The following E2F2 variants were observed in gnomAD, a reference collection of about 807,000 sequenced individuals.
E2F2 encodes E2F transcription factor 2, also known as transcription factor E2F2.
A neutral mutation model predicts 42.2 loss-of-function variants in E2F2; 22 were observed. The observed-to-expected ratio is 0.52, with a 90% CI of 0.37 to 0.74. The LOEUF is 0.74. E2F2 is among the 30% of genes least tolerant of loss of function. The pLI is 0.00. For synonymous variants in E2F2, 248 were observed against 251.6 expected, an observed-to-expected ratio of 0.99 and a Z score of 0.13; for missense variants, 481 against 557.8, an observed-to-expected ratio of 0.86 and a Z score of 1.39.
At position 23,506,486 on chromosome 1, in the gene E2F2, AT is replaced by A. The variant is rs1558227269; in HGVS notation, c.*3393del. 1.3e-5 allele frequency: 2 copies of A among 152,300 alleles called. No individual in the cohort carries two copies. Among genetic ancestry groups the A allele is most frequent in the African/African-American group, 4.8e-5 (2 of 41,466 alleles). The allele number at this position is 152,300 out of a possible 1,614,324, so 9.4% of individuals were successfully genotyped here. A position where few individuals can be genotyped will look rare whatever the true frequency, so the allele number is the denominator to read the frequency against. ...ATTATCTCAATACAAGGAGGCTTAC[AT>A]GGTGCTCATAAAGACACGACCAGGC... On this transcript the variant is annotated 3_prime_UTR_variant, in exon 7 of 7. Coordinates refer to ENST00000361729, the MANE Select transcript of E2F2 (RefSeq NM_004091.4).
chr1:23,516,894 A>G (rs1174143374), intron 5 of E2F2, among the ~76,000 whole-genome samples: 1 of 150,800 alleles, frequency 6.6e-6, no homozygotes, highest in Admixed American at 6.7e-5. Flanking sequence ...AGGATGGCCC[A>G]TGGCTCAGGT....
chr1:23,514,516 A>G (rs778702681), intron 6 of E2F2, among the ~76,000 whole-genome samples: 11 of 152,086 alleles, frequency 7.2e-5, no homozygotes, highest in Non-Finnish European at 1.5e-4. Flanking sequence ...TCATGTGTTA[A>G]AAGAAGGGTT....
At chr1:23,519,304 C>A in intron 4 of E2F2, 174 bp from the exon 5 acceptor site, 1 of 434,332 alleles carries the variant, frequency 2.3e-6, no homozygotes, top group East Asian at 3.5e-5. Flanking sequence ...TACCTTAGAT[C>A]CCTTTGGAAA....
Position 23,524,097 on chromosome 1 carries a change from ACAAC to A in E2F2, c.358+282_358+285del, listed in dbSNP as rs1301319610. ...CACAACAACAACAACAACAACAACA[ACAAC>A]AACAAAAAAAAACACAGAAGTAATG... On this transcript the variant is annotated intron_variant, in intron 2 of 6. Coordinates refer to ENST00000361729, the MANE Select transcript of E2F2 (RefSeq NM_004091.4). 1.4e-3 allele frequency among the ~76,000 whole-genome samples: 196 copies of A among 144,344 alleles called. 4 individuals carry two copies. Among genetic ancestry groups the A allele is most frequent in the African/African-American group, 3.9e-3 (151 of 38,274 alleles). 94.7% of individuals were successfully genotyped at this position (144,344 alleles called of 152,430 possible). A position where few individuals can be genotyped will look rare whatever the true frequency, so the allele number is the denominator to read the frequency against.
chr1:23,522,816 T>C (rs1346228632), intron 2 of E2F2, among the ~76,000 whole-genome samples: 1 of 152,162 alleles, frequency 6.6e-6, no homozygotes, highest in Non-Finnish European at 1.5e-5. Flanking sequence ...GGGACTTTTG[T>C]AATCGAGTGA....
intron 2 of E2F2, 104 bp downstream of exon 2, chr1:23,524,279 T>G: frequency 1.1e-6 from 1 of 921,920 alleles, no homozygotes; most frequent in Non-Finnish European, 1.6e-6. Context: ...AGGAAGCTTT[T>G]GTAAACTGGA....
At chr1:23,512,048 A>AT (rs1394606814) in intron 6 of E2F2, among the ~76,000 whole-genome samples, 1 of 152,070 alleles carries the variant, frequency 6.6e-6, no homozygotes, top group East Asian at 1.9e-4. Flanking sequence ...AAATACAGAA[A>AT]TTCGCTGGGT....
At chr1:23,525,922 G>A (rs1470263549) in intron 1 of E2F2, among the ~76,000 whole-genome samples, 5 of 152,106 alleles carry the variant, frequency 3.3e-5, no homozygotes, top group African/African-American at 1.2e-4. Context: ...TGCTCAGCAG[G>A]GCTGAGACTT....
rs952828105 is a variant in E2F2, at chr1:23,507,969, T to G, written c.*1911A>C. ...GCTAAATGGCAGCCCAGTGGAGACCTCAGAGCAGCCCACTCACCACAAACG... is the reference window on the plus strand; with the variant it reads ...GCTAAATGGCAGCCCAGTGGAGACCGCAGAGCAGCCCACTCACCACAAACG... On this transcript the variant is annotated 3_prime_UTR_variant, in exon 7 of 7. Transcript: ENST00000361729. 6.6e-6 allele frequency: 1 copy of G among 152,280 alleles called. No homozygotes were observed. The highest frequency in any genetic ancestry group is 2.4e-5 in the African/African-American group (1 of 41,440). 9.4% of individuals were successfully genotyped at this position (152,280 alleles called of 1,614,324 possible). A position where few individuals can be genotyped will look rare whatever the true frequency, so the allele number is the denominator to read the frequency against.
intron 3 of E2F2, 28 bp downstream of exon 3, chr1:23,521,809 G>T: frequency 6.2e-7 from 1 of 1,611,898 alleles, no homozygotes; most frequent in Middle Eastern, 1.9e-4. Flanking sequence ...ACCCATTGGA[G>T]GGTACCACTG....
At chr1:23,529,270 TA>T (rs1426761387) in intron 1 of E2F2, among the ~76,000 whole-genome samples, 1 of 152,186 alleles carries the variant, frequency 6.6e-6, no homozygotes, top group Non-Finnish European at 1.5e-5. Context: ...CTCGGTTGCT[TA>T]ACCTGTAAAA....
At position 23,510,044 on chromosome 1, in the gene E2F2, G is replaced by T; in HGVS notation, c.1150C>A (p.Gln384Lys). The T allele has an allele frequency of 6.2e-7, 1 of 1,612,914 alleles. No individual in the cohort carries two copies. Among genetic ancestry groups the T allele is most frequent in the Non-Finnish European group, 8.5e-7 (1 of 1,179,692 alleles). The change falls in exon 7 of 7, where the codon CAG becomes AAG. Residue 384 changes from glutamine (Q) to lysine (K), a missense_variant. By Grantham distance (53) the Gln-to-Lys change is moderately conservative (BLOSUM62 1). Transcript: ENST00000361729. Reference sequence around the variant, plus strand: ...GGGGACAGGAACTGGTCCTCAGTCTGCTGCAGGAGTGGGTGCGGCAGCTCC... The same window carrying T: ...GGGGACAGGAACTGGTCCTCAGTCTTCTGCAGGAGTGGGTGCGGCAGCTCC... ...LLELPHPLLQ[Q>K]TEDQFLSPTL... is the part of the protein sequence containing the mutation.
At position 23,519,043 on chromosome 1, in the gene E2F2, C is replaced by T. The variant is rs747159749; in HGVS notation, c.825G>A (p.Thr275=). The T allele has an allele frequency of 8.1e-6, 13 of 1,614,012 alleles. No homozygotes were observed. The highest frequency in any genetic ancestry group is 1.3e-5 in the African/African-American group (1 of 75,054). The change falls in exon 5 of 7, where the codon ACG becomes ACA. Residue 275 remains threonine, a synonymous_variant. Transcript: ENST00000361729. The part of the protein sequence containing the change: ...TVIAVKAPPQ[T]RLEVPDRTED... ...CAGTCCTGTCGGGCACTTCCAGTCT[C>T]GTCTGCGGAGGGGCCTTGACGGCAA...
rs769889541 is a variant in E2F2, at chr1:23,522,050, T to G, written c.365A>C (p.Lys122Thr). Residue 122 changes from lysine to threonine, a missense_variant, in exon 3 of 7, where the codon AAA (lysine) becomes ACA (threonine). By Grantham distance (78) the Lys-to-Thr change is moderately conservative. Coordinates refer to ENST00000361729, the MANE Select transcript of E2F2 (RefSeq NM_004091.4). Reference protein sequence around the residue: ...VDGLPSPKTPKSPGEKTRYDT... With the variant: ...VDGLPSPKTPTSPGEKTRYDT... ...ATACCGAGTCTTCTCCCCGGGGGAT[T>G]TGGGGGCTGAAGAAGAAAGGGACCC... 1.9e-6 allele frequency: 3 copies of G among 1,613,732 alleles called. No individual in the cohort carries two copies. The highest frequency in any genetic ancestry group is 1.7e-5 in the Admixed American group (1 of 59,972).
intron 1 of E2F2, among the ~76,000 whole-genome samples, chr1:23,528,900 C>T (rs941746600): frequency 6.6e-6 from 1 of 152,186 alleles, no homozygotes; most frequent in African/African-American, 2.4e-5. Context: ...GTCAAGGCTA[C>T]ATAGAGAAGA....
intron 6 of E2F2, among the ~76,000 whole-genome samples, chr1:23,514,051 G>A (rs1642966493): frequency 6.6e-6 from 1 of 152,052 alleles, no homozygotes; most frequent in Non-Finnish European, 1.5e-5. Context: ...TTGAACTTGG[G>A]AGGCGGAGGT....
chr1:23,511,554 T>A (rs1410419182), intron 6 of E2F2, among the ~76,000 whole-genome samples: 1 of 152,120 alleles, frequency 6.6e-6, no homozygotes, highest in Non-Finnish European at 1.5e-5. Context: ...TCCACTTAGA[T>A]GTTAAGACGG....
intron 6 of E2F2, among the ~76,000 whole-genome samples, chr1:23,513,435 A>T (rs541136637): frequency 1.8e-4 from 28 of 152,226 alleles, no homozygotes; most frequent in African/African-American, 6.3e-4. Context: ...GCTGCAGAGA[A>T]CACTTCCCCT....
At chr1:23,526,970 G>A (rs192996445) in intron 1 of E2F2, among the ~76,000 whole-genome samples, 1 of 152,210 alleles carries the variant, frequency 6.6e-6, no homozygotes, top group African/African-American at 2.4e-5. Flanking sequence ...ATACCTCCCT[G>A]ACACCTTTGG....
Sources: gnomAD v4.1 joint callset for allele counts (sites outside exome capture counted in the v4.1 genomes callset) on GRCh38, gnomAD v4.1.1 for gene constraint, MANE v1.5 for transcripts, NCBI Gene and HGNC (gene_info 2026-07-23, HGNC 2026-07-21) for gene names.